Variants in TMEM253 observed in about 807,000 individuals in gnomAD.
The protein encoded by TMEM253 is transmembrane protein 253, also known as transmembrane protein C14orf176.
A neutral mutation model predicts 20.3 loss-of-function variants in TMEM253; 22 were observed. The ratio of observed to expected loss-of-function variants is 1.08; its 90% confidence interval spans 0.78 to 1.55. TMEM253 has a LOEUF of 1.55. TMEM253 is among the 40% of genes most tolerant of loss of function. TMEM253 has a pLI of 0.00. For synonymous variants in TMEM253, 92 were observed against 102.6 expected, an observed-to-expected ratio of 0.90 and a Z score of 0.62; for missense variants, 251 against 266.1, an observed-to-expected ratio of 0.94 and a Z score of 0.39.
At chr14:21,103,106 T>C in intron 6 of TMEM253, 33 bp from the exon 7 acceptor site, 1 of 1,551,658 alleles carries the variant, frequency 6.4e-7, no homozygotes, top group Non-Finnish European at 8.7e-7. Flanking sequence ...TTCTCACCTC[T>C]ACAATTTGCT....
At position 21,101,551 on chromosome 14, in the gene TMEM253, T is replaced by G. The variant is rs1019601270; in HGVS notation, c.108+100T>G. ...CCATGTTAAGTGAGCACCTACCATGTGCCAGAAACTGAGCTAGGTTCTGAA... is the reference window on the plus strand; with the variant it reads ...CCATGTTAAGTGAGCACCTACCATGGGCCAGAAACTGAGCTAGGTTCTGAA... On this transcript the variant is annotated intron_variant, in intron 2 of 6. Coordinates refer to ENST00000556585, the Ensembl canonical transcript of TMEM253. The G allele has an allele frequency of 2.8e-5, 31 of 1,107,536 alleles. No individual in the cohort carries two copies. The African/African-American group carries it at 4.5e-4, about 16-fold the overall frequency. The allele number at this position is 1,107,536 out of a possible 1,614,324, so 68.6% of individuals were successfully genotyped here. A position where few individuals can be genotyped will look rare whatever the true frequency, so the allele number is the denominator to read the frequency against.
At chr14:21,103,114 G>C (rs1889751851) in intron 6 of TMEM253, 25 bp from the exon 7 acceptor site, 2 of 1,551,508 alleles carry the variant, frequency 1.3e-6, no homozygotes, top group Admixed American at 2.0e-5. Context: ...TCTACAATTT[G>C]CTCACACCTG....
intron 2 of TMEM253, 118 bp downstream of exon 2, chr14:21,101,569 G>A (rs761634685): frequency 5.0e-5 from 47 of 945,390 alleles, no homozygotes; most frequent in Non-Finnish European, 7.0e-5. Flanking sequence ...ACTGAGCTAG[G>A]TTCTGAATGG....
chr14:21,102,414 A>G (rs773980269), exon 5 of TMEM253: 3 of 1,551,648 alleles, frequency 1.9e-6, no homozygotes, highest in South Asian at 1.2e-5. Context: ...GGTGCGGGCC[A>G]TGATGATATT....
chr14:21,102,645 C>T (rs1485093599), exon 6 of TMEM253: 1 of 1,551,438 alleles, frequency 6.4e-7, no homozygotes, highest in Non-Finnish European at 8.7e-7. Flanking sequence ...TGCTGGCTTG[C>T]TGGTGCTGGA....
intron 2 of TMEM253, 42 bp downstream of exon 2, chr14:21,101,493 T>C: frequency 6.7e-7 from 1 of 1,500,578 alleles, no homozygotes; most frequent in East Asian, 2.5e-5. Flanking sequence ...GCATGTCCAC[T>C]TCTACCCAAT....
At chr14:21,102,273 T>G (rs1271120752) in intron 4 of TMEM253, 132 bp from the exon 5 acceptor site, 2 of 1,400,206 alleles carry the variant, frequency 1.4e-6, no homozygotes, top group African/African-American at 2.9e-5. Flanking sequence ...GCAAAAAAGT[T>G]AAGAGGGCTT....
At chr14:21,099,613 T>G (rs1214374421), upstream of TMEM253, among the ~76,000 whole-genome samples, 1 of 152,136 alleles carries the variant, frequency 6.6e-6, no homozygotes, top group African/African-American at 2.4e-5. Flanking sequence ...ACTTCTAGAG[T>G]CTTCTGGCGC....
At chr14:21,103,292 C>G (rs1229410081) in exon 7 of TMEM253, 3 of 1,538,774 alleles carry the variant, frequency 1.9e-6, no homozygotes, top group African/African-American at 2.8e-5. Flanking sequence ...GCATCCCACC[C>G]CACCAAACTC....
Position 21,102,529 on chromosome 14 carries a change from AAGG to A in TMEM253, c.387+17_387+19del. Reference sequence around the variant, plus strand: ...GCCTCCTCCCAGGTACTGGTCAATGAAGGAGAAGGTGGGAGGATAAGGAGGCAA... The same window carrying A: ...GCCTCCTCCCAGGTACTGGTCAATGAAGAAGGTGGGAGGATAAGGAGGCAA... On this transcript the variant is annotated intron_variant, in intron 5 of 6. Transcript: ENST00000556585. 2 of 1,551,692 alleles carry A rather than the reference AAGG, an allele frequency of 1.3e-6. No individual in the cohort carries two copies. Among genetic ancestry groups the A allele is most frequent in the East Asian group, 2.4e-5 (1 of 40,926 alleles).
chr14:21,102,603 C>G (rs1362197573), intron 5 of TMEM253, 30 bp from the exon 6 acceptor site: 2 of 1,550,996 alleles, frequency 1.3e-6, no homozygotes, highest in South Asian at 1.2e-5. Context: ...GGTGCGGGGT[C>G]CCTGCATTCT....
chr14:21,099,657 A>G (rs150186336), upstream of TMEM253, among the ~76,000 whole-genome samples: 84 of 152,354 alleles, frequency 5.5e-4, no homozygotes, highest in African/African-American at 1.9e-3. Context: ...AAGAAATAAT[A>G]ATAGTGATGA....
At position 21,101,562 on chromosome 14, in the gene TMEM253, G is replaced by T. The variant is rs1381366193; in HGVS notation, c.108+111G>T. On this transcript the variant is annotated intron_variant, in intron 2 of 6. Coordinates refer to ENST00000556585, the Ensembl canonical transcript of TMEM253. Reference sequence around the variant, plus strand: ...GAGCACCTACCATGTGCCAGAAACTGAGCTAGGTTCTGAATGGGAGGAGGG... The same window carrying T: ...GAGCACCTACCATGTGCCAGAAACTTAGCTAGGTTCTGAATGGGAGGAGGG... The T allele has an allele frequency of 3.9e-6, 4 of 1,034,206 alleles. No homozygotes were observed. The African/African-American group carries it at 6.4e-5, about 17-fold the overall frequency. The allele number at this position is 1,034,206 out of a possible 1,614,324, so 64.1% of individuals were successfully genotyped here.
upstream of TMEM253, among the ~76,000 whole-genome samples, chr14:21,100,692 G>A (rs1303571801): frequency 1.3e-5 from 2 of 152,166 alleles, no homozygotes; most frequent in Non-Finnish European, 2.9e-5. Context: ...CAGAAAGTGA[G>A]AGGCAAGAAA....
intron 2 of TMEM253, 56 bp downstream of exon 2, chr14:21,101,507 A>G (rs1419601611): frequency 5.1e-5 from 74 of 1,461,746 alleles, no homozygotes; most frequent in Non-Finnish European, 6.5e-5. Context: ...ACCCAATTCA[A>G]TTCCATCCAT....
chr14:21,102,807 T>A, intron 6 of TMEM253, 28 bp downstream of exon 6: 4 of 1,542,318 alleles, frequency 2.6e-6, no homozygotes, highest in Non-Finnish European at 3.5e-6. Flanking sequence ...AAAGCACGAA[T>A]AGCTAGCTGC....
chr14:21,099,661 G>A (rs1474274552), upstream of TMEM253, among the ~76,000 whole-genome samples: 1 of 152,220 alleles, frequency 6.6e-6, no homozygotes, highest in Non-Finnish European at 1.5e-5. Flanking sequence ...AATAATAATA[G>A]TGATGATGAT....
rs891442451 is a variant in TMEM253, at chr14:21,101,508, T to TTCCA, written c.108+75_108+78dup. 7.2e-5 allele frequency: 105 copies of TTCCA among 1,456,286 alleles called. 1 individual carries two copies. Among genetic ancestry groups the TTCCA allele is most frequent in the African/African-American group, 1.7e-4 (12 of 71,092 alleles). The allele number at this position is 1,456,286 out of a possible 1,614,324, so 90.2% of individuals were successfully genotyped here. A position where few individuals can be genotyped will look rare whatever the true frequency, so the allele number is the denominator to read the frequency against. ...GCATGTCCACTTCTACCCAATTCAATTCCATCCATCCATCCATCCATGTTA... is the reference window on the plus strand; with the variant it reads ...GCATGTCCACTTCTACCCAATTCAATTCCATCCATCCATCCATCCATCCATGTTA... On this transcript the variant is annotated intron_variant, in intron 2 of 6. Coordinates refer to ENST00000556585, the Ensembl canonical transcript of TMEM253.
intron 6 of TMEM253, 105 bp downstream of exon 6, chr14:21,102,884 AAAG>A (rs1474305560): frequency 1.4e-6 from 2 of 1,456,878 alleles, no homozygotes; most frequent in East Asian, 4.9e-5. Flanking sequence ...GCAGGAGAGA[AAAG>A]AAGAGGTCCT....
Sources: allele counts gnomAD v4.1 joint callset (sites outside exome capture counted in the v4.1 genomes callset), GRCh38; gene constraint gnomAD v4.1.1; transcripts MANE v1.5; gene names NCBI Gene and HGNC (gene_info 2026-07-23, HGNC 2026-07-21).